RNGTT: variants seen among roughly 807,000 people sequenced by gnomAD.
The protein encoded by RNGTT is mRNA-capping enzyme.
Under a neutral mutation model 79.3 loss-of-function variants are expected in RNGTT, and 33 were observed. The ratio of observed to expected loss-of-function variants is 0.42; its 90% CI spans 0.32 to 0.56. The LOEUF (loss-of-function observed/expected upper bound fraction) is 0.56, where lower values mean the gene tolerates loss of function less well. Ranked by LOEUF, RNGTT falls within the 20% of genes least tolerant of loss-of-function variation. The pLI is 0.17. For missense variants in RNGTT, 497 were observed against 739.1 expected (o/e 0.67, Z 3.80); for synonymous variants, 222 against 235.9 (o/e 0.94, Z 0.54).
chr6:88,835,468 T>C (rs572919775), intron 11 of RNGTT, among the ~76,000 whole-genome samples: 61 of 152,298 alleles, frequency 4.0e-4, no homozygotes, highest in Non-Finnish European at 7.1e-4. Context: ...GAGAATGCAT[T>C]ATTATTTTTG....
chr6:88,863,074 T>C (rs1222420266), intron 8 of RNGTT, among the ~76,000 whole-genome samples: 1 of 152,210 alleles, frequency 6.6e-6, no homozygotes, highest in Non-Finnish European at 1.5e-5. Flanking sequence ...AGCTCCCTTC[T>C]ATTATGTGAT....
chr6:88,677,454 A>T (rs983315034), intron 14 of RNGTT, among the ~76,000 whole-genome samples: 7 of 152,086 alleles, frequency 4.6e-5, no homozygotes, highest in Non-Finnish European at 1.0e-4. Flanking sequence ...ATTAGATCTC[A>T]AAAAAGCTGT....
intron 13 of RNGTT, among the ~76,000 whole-genome samples, chr6:88,743,248 T>G (rs1777555279): frequency 6.6e-6 from 1 of 152,140 alleles, no homozygotes; most frequent in African/African-American, 2.4e-5. Flanking sequence ...AAGACTTATG[T>G]GATTTTAGAC....
intron 6 of RNGTT, among the ~76,000 whole-genome samples, chr6:88,902,462 T>A (rs531294004): frequency 2.6e-4 from 40 of 151,548 alleles, no homozygotes; most frequent in Admixed American, 2.2e-3. Flanking sequence ...ATTAGCAGGG[T>A]ATGGTGGCAC....
At chr6:88,864,835 G>C (rs933218558) in intron 8 of RNGTT, among the ~76,000 whole-genome samples, 3 of 152,130 alleles carry the variant, frequency 2.0e-5, no homozygotes, top group Non-Finnish European at 2.9e-5. Flanking sequence ...AAATTAGCCA[G>C]TCACAACTGG....
chr6:88,757,101 A>G (rs1021786400), intron 13 of RNGTT, among the ~76,000 whole-genome samples: 2 of 152,228 alleles, frequency 1.3e-5, no homozygotes, highest in Admixed American at 6.5e-5. Flanking sequence ...ACACTGATAC[A>G]CTATAAATGT....
chr6:88,768,517 T>A (rs557627409), intron 13 of RNGTT, among the ~76,000 whole-genome samples: 1 of 152,344 alleles, frequency 6.6e-6, no homozygotes, highest in African/African-American at 2.4e-5. Flanking sequence ...CTTTCTTTGA[T>A]AATGCATAGT....
intron 2 of RNGTT, among the ~76,000 whole-genome samples, chr6:88,930,635 G>T (rs1322553242): frequency 2.6e-5 from 4 of 152,010 alleles, no homozygotes; most frequent in Non-Finnish European, 5.9e-5. Context: ...AAAAAATTAA[G>T]AACACTACAG....
At chr6:88,834,288 G>A (rs972333384) in intron 11 of RNGTT, among the ~76,000 whole-genome samples, 9 of 152,076 alleles carry the variant, frequency 5.9e-5, no homozygotes, top group African/African-American at 1.9e-4. Context: ...TACGTTCACC[G>A]TATGAAAGTA....
At chr6:88,886,303 CA>C (rs35570814) in intron 8 of RNGTT, among the ~76,000 whole-genome samples, 31,887 of 141,756 alleles carry the variant, frequency 0.22, 3,928 homozygotes, top group African/African-American at 0.35. Flanking sequence ...GACTCCGTCT[CA>C]AAAAAAAAAA....
intron 8 of RNGTT, among the ~76,000 whole-genome samples, chr6:88,872,622 G>A (rs565693443): frequency 2.6e-5 from 4 of 152,210 alleles, no homozygotes; most frequent in Admixed American, 6.5e-5. Flanking sequence ...CCCAAGAAAC[G>A]ATGAGACAGT....
At chr6:88,787,386 C>T (rs1204293063) in intron 12 of RNGTT, among the ~76,000 whole-genome samples, 2 of 152,174 alleles carry the variant, frequency 1.3e-5, no homozygotes, top group South Asian at 4.1e-4. Flanking sequence ...TTGGGCCAGG[C>T]GTGGTGGCTC....
intron 12 of RNGTT, among the ~76,000 whole-genome samples, chr6:88,785,654 C>A (rs1191692010): frequency 1.3e-5 from 2 of 152,064 alleles, no homozygotes; most frequent in Admixed American, 1.3e-4. Context: ...GAAGACCTAT[C>A]AAAATATGCA....
At chr6:88,735,781 G>A (rs1020805052) in intron 13 of RNGTT, among the ~76,000 whole-genome samples, 2 of 151,710 alleles carry the variant, frequency 1.3e-5, no homozygotes, top group African/African-American at 2.4e-5. Flanking sequence ...TCTAGAGAAC[G>A]AGCAATTTAA....
At chr6:88,678,243 A>G (rs752185220) in intron 14 of RNGTT, 110 bp downstream of exon 14, 2 of 1,445,440 alleles carry the variant, frequency 1.4e-6, no homozygotes, top group African/African-American at 1.4e-5. Context: ...TTAGCCTCCC[A>G]AAGTGCTGGA....
At chr6:88,678,319 C>A (rs1237670787) in intron 14 of RNGTT, 34 bp downstream of exon 14, 77 of 1,583,034 alleles carry the variant, frequency 4.9e-5, no homozygotes, top group Non-Finnish European at 6.1e-5. Flanking sequence ...AAGAGAACAT[C>A]CAGGAAAAGT....
At chr6:88,784,303 T>TGTC (rs766091025) in intron 12 of RNGTT, among the ~76,000 whole-genome samples, 6 of 152,148 alleles carry the variant, frequency 3.9e-5, no homozygotes, top group Admixed American at 2.0e-4. Flanking sequence ...AGATGGTCTC[T>TGTC]GTCTTCATGG....
chr6:88,627,045 A>G (rs1159279791), intron 14 of RNGTT, among the ~76,000 whole-genome samples: 1 of 151,536 alleles, frequency 6.6e-6, no homozygotes, highest in Non-Finnish European at 1.5e-5. Context: ...CACCATTAAC[A>G]TGAGGAGGAG....
At chr6:88,912,761 C>G (rs1039911031) in intron 4 of RNGTT, among the ~76,000 whole-genome samples, 1 of 152,112 alleles carries the variant, frequency 6.6e-6, no homozygotes, top group African/African-American at 2.4e-5. Flanking sequence ...ATTCTGAATA[C>G]CTCTATGCAC....
Sources: allele counts gnomAD v4.1 joint callset (sites outside exome capture counted in the v4.1 genomes callset), GRCh38; gene constraint gnomAD v4.1.1; transcripts MANE v1.5; gene names NCBI Gene and HGNC (gene_info 2026-07-23, HGNC 2026-07-21).